The following FAR1 variants were observed in gnomAD, a reference collection of about 807,000 sequenced individuals.
The protein encoded by FAR1 is fatty acyl-CoA reductase 1, also known as male sterility domain-containing protein 2.
In FAR1, 22 loss-of-function variants were observed where a neutral mutation model predicts 61.1. The ratio of observed to expected loss-of-function variants is 0.36; its 90% confidence interval spans 0.26 to 0.51. FAR1 has a LOEUF of 0.51. FAR1 is among the 20% of genes least tolerant of loss of function. The pLI, the probability that FAR1 is intolerant of heterozygous loss-of-function variation, is 0.95. For missense variants in FAR1, 359 were observed against 626.9 expected (o/e 0.57, Z 4.56); for synonymous variants, 206 against 209.7 (o/e 0.98, Z 0.15).
chr11:13,668,847 GCTC>G (rs1307788870), intron 1 of FAR1, 41 bp downstream of exon 1: 1 of 153,202 alleles, frequency 6.5e-6, no homozygotes, highest in Non-Finnish European at 1.5e-5. Context: ...CGGGCTGCGG[GCTC>G]CTCCTCGCCT....
At chr11:13,705,207 C>T (rs1250228355) in intron 3 of FAR1, among the ~76,000 whole-genome samples, 1 of 152,012 alleles carries the variant, frequency 6.6e-6, no homozygotes, top group South Asian at 2.1e-4. Flanking sequence ...CTCCATATAA[C>T]CAAAACAATG....
chr11:13,725,349 T>A (rs187511821), intron 10 of FAR1, among the ~76,000 whole-genome samples: 225 of 152,234 alleles, frequency 1.5e-3, no homozygotes, highest in African/African-American at 5.2e-3. Context: ...TTAATTTTGA[T>A]TTTCAATTTT....
chr11:13,676,791 G>A (rs1210057869), intron 1 of FAR1, among the ~76,000 whole-genome samples: 1 of 152,166 alleles, frequency 6.6e-6, no homozygotes, highest in Non-Finnish European at 1.5e-5. Context: ...TGAATATTAG[G>A]TGAATTGCTT....
At chr11:13,687,717 G>T (rs947409980) in intron 1 of FAR1, among the ~76,000 whole-genome samples, 4 of 152,084 alleles carry the variant, frequency 2.6e-5, no homozygotes, top group African/African-American at 9.7e-5. Flanking sequence ...TGAGCCAGAG[G>T]CAGAGTTTAA....
intron 1 of FAR1, among the ~76,000 whole-genome samples, chr11:13,691,081 A>G (rs1200756535): frequency 6.6e-6 from 1 of 152,216 alleles, no homozygotes; most frequent in Non-Finnish European, 1.5e-5. Context: ...ATTTCTCACC[A>G]TTCTGGAGGC....
rs971942166 is a variant in FAR1, at chr11:13,730,424, A to G, written c.*1650A>G. 13 of 152,408 alleles carry G rather than the reference A, an allele frequency of 8.5e-5. No individual in the cohort carries two copies. Among genetic ancestry groups the G allele is most frequent in the African/African-American group, 2.2e-4 (9 of 41,534 alleles). The allele number at this position is 152,408 out of a possible 1,614,324, so 9.4% of individuals were successfully genotyped here. A position where few individuals can be genotyped will look rare whatever the true frequency, so the allele number is the denominator to read the frequency against. On this transcript the variant is annotated 3_prime_UTR_variant, in exon 12 of 12. Coordinates refer to ENST00000354817, the MANE Select transcript of FAR1 (RefSeq NM_032228.6). ...AAGAAATATGTATATAAATATCTCT[A>G]TATTCTTTGGAATGATACTAAAGTC...
chr11:13,691,635 T>A (rs1301196970), intron 1 of FAR1, among the ~76,000 whole-genome samples: 1 of 152,236 alleles, frequency 6.6e-6, no homozygotes, highest in East Asian at 1.9e-4. Context: ...TATGTGACCT[T>A]TTGTGTCTGA....
At chr11:13,680,306 T>C (rs1253414885) in intron 1 of FAR1, among the ~76,000 whole-genome samples, 2 of 152,212 alleles carry the variant, frequency 1.3e-5, no homozygotes, top group Non-Finnish European at 2.9e-5. Flanking sequence ...TTGCATAGGC[T>C]GGACTCAAAC....
chr11:13,689,489 A>G (rs1170489541), intron 1 of FAR1, among the ~76,000 whole-genome samples: 1 of 152,126 alleles, frequency 6.6e-6, no homozygotes, highest in Admixed American at 6.5e-5. Context: ...CTTCATTTTT[A>G]TTGTTTTTAA....
intron 1 of FAR1, among the ~76,000 whole-genome samples, chr11:13,679,375 C>G (rs1032735697): frequency 1.3e-5 from 2 of 152,116 alleles, no homozygotes; most frequent in Non-Finnish European, 2.9e-5. Context: ...AAACTGTTTT[C>G]TTCCCCTAGA....
chr11:13,714,442 A>ATT, intron 8 of FAR1, 67 bp from the exon 9 acceptor site: 44 of 1,248,888 alleles, frequency 3.5e-5, no homozygotes, highest in Admixed American at 1.1e-4. Context: ...TAAAAACATG[A>ATT]TTTTTTTTTT....
chr11:13,691,457 A>C (rs1848248815), intron 1 of FAR1, among the ~76,000 whole-genome samples: 1 of 152,158 alleles, frequency 6.6e-6, no homozygotes, highest in Non-Finnish European at 1.5e-5. Flanking sequence ...TGCAACTGCC[A>C]CCTCTATCTA....
intron 9 of FAR1, chr11:13,720,919 T>G (rs745361630): frequency 2.0e-5 from 3 of 152,144 alleles, no homozygotes; most frequent in Non-Finnish European, 2.9e-5. Flanking sequence ...CTGCTCAAGT[T>G]AGTGTTATGA....
chr11:13,725,177 A>G (rs1258889536), intron 10 of FAR1, among the ~76,000 whole-genome samples: 2 of 152,142 alleles, frequency 1.3e-5, no homozygotes, highest in Non-Finnish European at 2.9e-5. Flanking sequence ...ATATGTACAC[A>G]TTTGTGTAGG....
intron 1 of FAR1, among the ~76,000 whole-genome samples, chr11:13,672,810 A>G (rs1848024044): frequency 6.6e-6 from 1 of 152,182 alleles, no homozygotes; most frequent in Non-Finnish European, 1.5e-5. Context: ...CAAGTTACTA[A>G]CCCACCCTGA....
chr11:13,717,202 G>A (rs973702429), intron 9 of FAR1, among the ~76,000 whole-genome samples: 9 of 151,946 alleles, frequency 5.9e-5, no homozygotes, highest in Admixed American at 4.6e-4. Flanking sequence ...GGCATCAGCT[G>A]GAAGCCAGGG....
At chr11:13,695,892 T>C (rs972231547) in intron 2 of FAR1, among the ~76,000 whole-genome samples, 1 of 152,240 alleles carries the variant, frequency 6.6e-6, no homozygotes, top group Non-Finnish European at 1.5e-5. Context: ...TATTTTTTAA[T>C]GATGGGATGT....
rs998245023 is a variant in FAR1, at chr11:13,717,941, T to C, written c.1127+3261T>C. Reference sequence around the variant, plus strand: ...TAATCTGACATGATTGCTTAAAAATTGTGTGAGTTTCCGGTGTATCTGTTT... The same window carrying C: ...TAATCTGACATGATTGCTTAAAAATCGTGTGAGTTTCCGGTGTATCTGTTT... On this transcript the variant is annotated intron_variant, in intron 9 of 11. Coordinates refer to ENST00000354817, the MANE Select transcript of FAR1 (RefSeq NM_032228.6). Among the ~76,000 whole-genome samples, 6 of 152,126 alleles carry C rather than the reference T, an allele frequency of 3.9e-5. No homozygotes were observed. In the East Asian group the frequency reaches 9.6e-4, roughly 24 times the overall value.
intron 3 of FAR1, among the ~76,000 whole-genome samples, chr11:13,700,752 GAGT>G (rs1848361872): frequency 6.6e-6 from 1 of 152,072 alleles, no homozygotes; most frequent in Admixed American, 6.5e-5. Context: ...GCAAAAAGTG[GAGT>G]AGAAGAAAAC....
Sources: gnomAD v4.1 joint callset for allele counts (sites outside exome capture counted in the v4.1 genomes callset) on GRCh38, gnomAD v4.1.1 for gene constraint, MANE v1.5 for transcripts, NCBI Gene and HGNC (gene_info 2026-07-23, HGNC 2026-07-21) for gene names.